Variants in ASIC2 observed in about 807,000 individuals in gnomAD.
ASIC2 encodes the protein acid-sensing ion channel 2.
In ASIC2, 25 loss-of-function variants were observed where a neutral mutation model predicts 57.3. The ratio of observed to expected loss-of-function variants is 0.44; its 90% confidence interval spans 0.32 to 0.61. The LOEUF (loss-of-function observed/expected upper bound fraction) is 0.61. ASIC2 is among the 20% of genes least tolerant of loss of function. ASIC2 has a pLI of 0.06. For synonymous variants in ASIC2, 319 were observed against 307.5 expected (o/e 1.04, Z -0.39); for missense variants, 641 against 738.1 (o/e 0.87, Z 1.52).
chr17:33,579,205 G>A (rs1034817817), intron 1 of ASIC2, among the ~76,000 whole-genome samples: 1 of 150,036 alleles, frequency 6.7e-6, no homozygotes, highest in African/African-American at 2.5e-5. Flanking sequence ...AGAATCGCTT[G>A]AACCCGGGAG....
chr17:33,345,552 G>A (rs1907910351), intron 1 of ASIC2, among the ~76,000 whole-genome samples: 2 of 152,298 alleles, frequency 1.3e-5, no homozygotes, highest in South Asian at 4.1e-4. Context: ...TGATTGGGTG[G>A]TCAGACCAGG....
intron 1 of ASIC2, among the ~76,000 whole-genome samples, chr17:33,204,258 C>T (rs144493038): frequency 0.011 from 1,644 of 152,336 alleles, 9 homozygotes; most frequent in Non-Finnish European, 0.016. Context: ...CAGGCAGGCC[C>T]TACTTGTCTC....
At chr17:33,230,855 T>G (rs1908063432) in intron 1 of ASIC2, among the ~76,000 whole-genome samples, 2 of 152,142 alleles carry the variant, frequency 1.3e-5, no homozygotes, top group African/African-American at 2.4e-5. Flanking sequence ...AGGTTCCCAC[T>G]TCAAGGTGAT....
intron 1 of ASIC2, among the ~76,000 whole-genome samples, chr17:33,751,865 G>A (rs1910444961): frequency 6.6e-6 from 1 of 150,474 alleles, no homozygotes; most frequent in South Asian, 2.1e-4. Flanking sequence ...CGGGTGTGCT[G>A]AGAGGCAGCG....
intron 1 of ASIC2, among the ~76,000 whole-genome samples, chr17:33,143,954 C>A (rs1904434595): frequency 6.6e-6 from 1 of 152,060 alleles, no homozygotes; most frequent in African/African-American, 2.4e-5. Flanking sequence ...GTGTAGTAAA[C>A]ATGGTCTGGT....
Position 33,739,469 on chromosome 17 carries a change from T to G in ASIC2, c.555+416509A>C, listed in dbSNP as rs188704335. ...TTGACAAGAATGTGATGTAATAAAT[T>G]AAAAACAATTAGCAATGGTGAAGCA... On this transcript the variant is annotated intron_variant, in intron 1 of 9. Coordinates refer to the ASIC2 transcript ENST00000359872. 2.2e-3 allele frequency among the ~76,000 whole-genome samples: 330 copies of G among 152,324 alleles called. 3 individuals carry two copies. The highest frequency in any genetic ancestry group is 7.8e-3 in the African/African-American group (323 of 41,584).
At chr17:33,756,270 G>C (rs1354029558) in intron 1 of ASIC2, among the ~76,000 whole-genome samples, 4 of 152,220 alleles carry the variant, frequency 2.6e-5, no homozygotes, top group Non-Finnish European at 5.9e-5. Flanking sequence ...TGAGACAGCT[G>C]CTGACAGAGT....
At chr17:33,244,648 T>C (rs1301725887) in intron 1 of ASIC2, among the ~76,000 whole-genome samples, 1 of 152,190 alleles carries the variant, frequency 6.6e-6, no homozygotes, top group Admixed American at 6.5e-5. Flanking sequence ...TAAGAGTGGC[T>C]TGTCCTGGCC....
At chr17:33,445,816 A>AAAAT (rs1911997064) in intron 1 of ASIC2, among the ~76,000 whole-genome samples, 1 of 144,820 alleles carries the variant, frequency 6.9e-6, no homozygotes. Context: ...AAAAAAAAAA[A>AAAAT]TGGGGATCAG....
Position 33,023,843 on chromosome 17 carries a change from C to T in ASIC2, c.1349+18G>A. ...CCAGTTCCCCCTTCCCCCTGCCTAC[C>T]ATGCCCACTAAACTTACGAGATATA... is the stretch of plus-strand genomic sequence containing the variant. On this transcript the variant is annotated intron_variant, in intron 6 of 9. Coordinates refer to ENST00000225823, the MANE Select transcript of ASIC2 (RefSeq NM_183377.2). 6.2e-7 allele frequency: 1 copy of T among 1,613,794 alleles called. No homozygotes were observed. Among genetic ancestry groups the T allele is most frequent in the Non-Finnish European group, 8.5e-7 (1 of 1,179,732 alleles).
At chr17:33,521,554 C>T (rs1306182298) in intron 1 of ASIC2, among the ~76,000 whole-genome samples, 1 of 152,206 alleles carries the variant, frequency 6.6e-6, no homozygotes, top group Non-Finnish European at 1.5e-5. Flanking sequence ...GCAGGGTGCA[C>T]AGCCCAGCTG....
chr17:33,828,202 A>T (rs564583944), intron 1 of ASIC2: 1 of 152,316 alleles, frequency 6.6e-6, no homozygotes, highest in East Asian at 1.9e-4. Flanking sequence ...ATGTGTCTTT[A>T]TACCCAAAGG....
chr17:33,986,172 C>T (rs1905810991), intron 1 of ASIC2, among the ~76,000 whole-genome samples: 1 of 151,706 alleles, frequency 6.6e-6, no homozygotes, highest in South Asian at 2.1e-4. Context: ...TTGTCTTTTC[C>T]ATTAAACTGT....
rs147544991 is a variant in ASIC2, at chr17:33,471,578, T to A, written c.556-359511A>T. 9.2e-5 allele frequency among the ~76,000 whole-genome samples: 14 copies of A among 152,334 alleles called. No homozygotes were observed. In the East Asian group the frequency reaches 2.5e-3, roughly 27 times the overall value. Reference sequence around the variant, plus strand: ...TACCACAATACTATGTTGTTAGTATTGTACAATGACAGTGCAGAGGGGGGA... The same window carrying A: ...TACCACAATACTATGTTGTTAGTATAGTACAATGACAGTGCAGAGGGGGGA... On this transcript the variant is annotated intron_variant, in intron 1 of 9. Coordinates refer to the ASIC2 transcript ENST00000359872.
intron 1 of ASIC2, among the ~76,000 whole-genome samples, chr17:33,685,307 A>G (rs1908149375): frequency 6.6e-6 from 1 of 152,192 alleles, no homozygotes; most frequent in African/African-American, 2.4e-5. Context: ...CCCAGCGTGA[A>G]GATGAATGGC....
chr17:33,052,235 A>G (rs550054131), intron 3 of ASIC2: 3 of 152,358 alleles, frequency 2.0e-5, no homozygotes, highest in South Asian at 2.1e-4. Flanking sequence ...CCTAAACTTT[A>G]AAAGCTCAGT....
chr17:33,762,479 A>G (rs1910813764), intron 1 of ASIC2, among the ~76,000 whole-genome samples: 1 of 152,208 alleles, frequency 6.6e-6, no homozygotes. Flanking sequence ...CACTGAATGC[A>G]GAAACATGAT....
chr17:33,761,430 G>A (rs985312953), intron 1 of ASIC2, among the ~76,000 whole-genome samples: 20 of 152,130 alleles, frequency 1.3e-4, no homozygotes, highest in Non-Finnish European at 2.4e-4. Context: ...AAGGCTGCCT[G>A]AACTCATGCC....
chr17:33,472,744 A>T (rs112027426), intron 1 of ASIC2, among the ~76,000 whole-genome samples: 1 of 152,022 alleles, frequency 6.6e-6, no homozygotes, highest in East Asian at 1.9e-4. Context: ...ACAAGAAAAC[A>T]TGGGGCACAC....
Sources: allele counts gnomAD v4.1 joint callset (sites outside exome capture counted in the v4.1 genomes callset), GRCh38; gene constraint gnomAD v4.1.1; transcripts MANE v1.5; gene names NCBI Gene and HGNC (gene_info 2026-07-23, HGNC 2026-07-21).